Variants in LCORL observed in about 807,000 individuals in gnomAD.
The protein encoded by LCORL is ligand-dependent nuclear receptor corepressor-like protein.
Under a neutral mutation model 141.8 loss-of-function variants are expected in LCORL, and 41 were observed. The ratio of observed to expected loss-of-function variants is 0.29; its 90% confidence interval spans 0.23 to 0.38. LCORL has a LOEUF of 0.38. LCORL is among the 10% of genes least tolerant of loss of function. The pLI is 1.00. For synonymous variants in LCORL, 618 were observed against 694.1 expected, an observed-to-expected ratio of 0.89 and a Z score of 1.72; for missense variants, 1,759 against 2,035.0, an observed-to-expected ratio of 0.86 and a Z score of 2.61.
chr4:17,878,459 T>A (rs1404166846), intron 6 of LCORL, among the ~76,000 whole-genome samples: 1 of 151,478 alleles, frequency 6.6e-6, no homozygotes, highest in Non-Finnish European at 1.5e-5. Context: ...CTGATGATTA[T>A]ACATATGATT....
chr4:17,938,676 G>A (rs1057501605), intron 4 of LCORL, among the ~76,000 whole-genome samples: 1 of 152,044 alleles, frequency 6.6e-6, no homozygotes, highest in African/African-American at 2.4e-5. Context: ...GCCTCCCAAA[G>A]TGCTGGGATT....
At chr4:17,955,687 T>C (rs1015851776) in intron 4 of LCORL, among the ~76,000 whole-genome samples, 5 of 152,000 alleles carry the variant, frequency 3.3e-5, no homozygotes, top group South Asian at 2.1e-4. Context: ...AACAGCATGA[T>C]TGGATGTTTT....
intron 4 of LCORL, among the ~76,000 whole-genome samples, chr4:17,951,899 T>C (rs538443615): frequency 4.2e-4 from 64 of 152,256 alleles, no homozygotes; most frequent in Non-Finnish European, 4.0e-4. Flanking sequence ...AAAGTCACAA[T>C]TGGGGAAAAG....
intron 2 of LCORL, 50 bp downstream of exon 2, chr4:17,972,770 G>T: frequency 2.2e-6 from 2 of 896,530 alleles, no homozygotes; most frequent in Non-Finnish European, 3.1e-6. Context: ...TTTTTCATTT[G>T]TTAAATAGGA....
chr4:17,938,066 C>A (rs566655407), intron 4 of LCORL, among the ~76,000 whole-genome samples: 4 of 139,214 alleles, frequency 2.9e-5, no homozygotes, highest in Non-Finnish European at 6.1e-5. Flanking sequence ...AGTGCAGTGG[C>A]GCGATCTCAG....
At position 17,939,404 on chromosome 4, in the gene LCORL, G is replaced by A. The variant is rs73098848; in HGVS notation, c.430+22499C>T. Among the ~76,000 whole-genome samples the A allele has an allele frequency of 2.5e-4, 38 of 152,014 alleles. No individual in the cohort carries two copies. In the East Asian group the frequency reaches 7.0e-3, roughly 28 times the overall value. On this transcript the variant is annotated intron_variant, in intron 4 of 7. Transcript: ENST00000635767. ...CTTTCATATTAGATAATATAAATAG[G>A]TTTTATGTTTTATATTTTAAATATA...
chr4:17,952,520 A>C (rs1193133735), intron 4 of LCORL, among the ~76,000 whole-genome samples: 2 of 146,972 alleles, frequency 1.4e-5, no homozygotes, highest in Non-Finnish European at 3.0e-5. Flanking sequence ...GGTTCACGCC[A>C]TTCTCCTGCC....
intron 4 of LCORL, among the ~76,000 whole-genome samples, chr4:17,926,941 A>G (rs1271383648): frequency 6.6e-6 from 1 of 152,244 alleles, no homozygotes; most frequent in Non-Finnish European, 1.5e-5. Context: ...CCAGAGAGTA[A>G]GCCTGTCCTT....
In LCORL at chr4:18,021,484, C is replaced by T. The variant is rs1436845038; in HGVS notation, c.154+114G>A. The T allele has an allele frequency of 7.9e-6, 7 of 890,400 alleles. No homozygotes were observed. Among genetic ancestry groups the T allele is most frequent in the Non-Finnish European group, 6.4e-6 (4 of 626,652 alleles). 55.2% of individuals were successfully genotyped at this position (890,400 alleles called of 1,614,324 possible). A position where few individuals can be genotyped will look rare whatever the true frequency, so the allele number is the denominator to read the frequency against. On this transcript the variant is annotated intron_variant, in intron 1 of 7. Coordinates refer to ENST00000635767, the Ensembl canonical transcript of LCORL. The surrounding 1 kb of genome is among the most constrained non-coding windows in gnomAD (Gnocchi z 5.5). ...CGCCGCGCCGCTCCCATCTCGCTCC[C>T]CCACCGAACTAACCCGAACGGGAGA...
intron 4 of LCORL, among the ~76,000 whole-genome samples, chr4:17,938,803 G>C (rs964446345): frequency 1.3e-5 from 2 of 152,062 alleles, no homozygotes; most frequent in African/African-American, 4.8e-5. Flanking sequence ...AAGTTGCTAA[G>C]GCTCTCTCAA....
At chr4:18,018,919 G>A (rs1366679197) in intron 1 of LCORL, among the ~76,000 whole-genome samples, 1 of 152,152 alleles carries the variant, frequency 6.6e-6, no homozygotes, top group Non-Finnish European at 1.5e-5. Flanking sequence ...GTATACACAT[G>A]CAAAGGGAAA....
intron 4 of LCORL, among the ~76,000 whole-genome samples, chr4:17,952,548 T>C (rs1711600057): frequency 6.6e-6 from 1 of 151,820 alleles, no homozygotes; most frequent in African/African-American, 2.4e-5. Flanking sequence ...CCCCTGTAGC[T>C]GGGATTACAG....
intron 5 of LCORL, among the ~76,000 whole-genome samples, chr4:17,889,039 T>G (rs1328222904): frequency 6.6e-6 from 1 of 152,084 alleles, no homozygotes; most frequent in African/African-American, 2.4e-5. Flanking sequence ...AAATAGAAAT[T>G]ATGGAAGGAG....
chr4:18,001,494 T>C (rs942875066), intron 1 of LCORL, among the ~76,000 whole-genome samples: 1 of 152,154 alleles, frequency 6.6e-6, no homozygotes, highest in Non-Finnish European at 1.5e-5. Context: ...CCAATGAAGA[T>C]TTTTATTCAG....
intron 4 of LCORL, among the ~76,000 whole-genome samples, chr4:17,917,136 A>G (rs1733569339): frequency 1.3e-5 from 2 of 151,464 alleles, no homozygotes; most frequent in Admixed American, 6.6e-5. Flanking sequence ...TACTGCGCCC[A>G]GCTAACTTTT....
In LCORL at chr4:17,884,734, T is replaced by G. The variant is rs1438582037; in HGVS notation, c.776+1334A>C. The G allele has an allele frequency of 1.4e-6, 2 of 1,478,982 alleles. No homozygotes were observed. The highest frequency in any genetic ancestry group is 1.8e-6 in the Non-Finnish European group (2 of 1,116,438). 91.6% of individuals were successfully genotyped at this position (1,478,982 alleles called of 1,614,324 possible). On this transcript the variant is annotated intron_variant, in intron 6 of 7. Coordinates refer to ENST00000635767, the Ensembl canonical transcript of LCORL. The surrounding 1 kb of genome is among the most constrained non-coding windows in gnomAD (Gnocchi z 4.4). Reference sequence around the variant, plus strand: ...CAGCACTTCTTTCCACATAGTCCTCTCTGTTTCTGTGTAGTCTCCTGGATG... The same window carrying G: ...CAGCACTTCTTTCCACATAGTCCTCGCTGTTTCTGTGTAGTCTCCTGGATG...
intron 1 of LCORL, among the ~76,000 whole-genome samples, chr4:17,999,670 T>C (rs1721601643): frequency 6.6e-6 from 1 of 152,206 alleles, no homozygotes; most frequent in Non-Finnish European, 1.5e-5. Context: ...AAACTCTGGT[T>C]TATCTCAGTG....
intron 4 of LCORL, among the ~76,000 whole-genome samples, chr4:17,925,638 G>A (rs1406923693): frequency 2.0e-5 from 3 of 152,036 alleles, no homozygotes; most frequent in African/African-American, 7.2e-5. Context: ...TTGGGAGGCC[G>A]AGGCAGGCAG....
intron 4 of LCORL, chr4:17,912,473 C>T: frequency 1.8e-6 from 1 of 540,592 alleles, no homozygotes; most frequent in Non-Finnish European, 3.6e-6. Context: ...GATGAGCTGG[C>T]TCAGAAGAAC....
Sources: gnomAD v4.1 joint callset for allele counts (sites outside exome capture counted in the v4.1 genomes callset) on GRCh38, gnomAD v4.1.1 for gene constraint, Gnocchi (gnomAD v3.1) non-coding constraint, MANE v1.5 for transcripts, NCBI Gene and HGNC (gene_info 2026-07-23, HGNC 2026-07-21) for gene names.